CAMTA1: variants seen among roughly 807,000 people sequenced by gnomAD.
CAMTA1 encodes calmodulin-binding transcription activator 1.
In CAMTA1, 27 loss-of-function variants were observed where a neutral mutation model predicts 170.9. The ratio of observed to expected loss-of-function variants is 0.16; its 90% CI spans 0.12 to 0.22. CAMTA1 has a LOEUF of 0.22. CAMTA1 is among the 10% of genes least tolerant of loss of function. The pLI is 1.00. For synonymous variants in CAMTA1, 833 were observed against 891.5 expected (o/e 0.93, Z 1.17); for missense variants, 1,619 against 2,217.2 (o/e 0.73, Z 5.42).
chr1:7,096,401 G>A (rs990762784), intron 4 of CAMTA1, among the ~76,000 whole-genome samples: 2 of 152,100 alleles, frequency 1.3e-5, no homozygotes, highest in Admixed American at 6.5e-5. Flanking sequence ...CGACACCATG[G>A]TCTCACCGTC....
chr1:7,344,880 G>A (rs1411083137), intron 5 of CAMTA1, among the ~76,000 whole-genome samples: 1 of 151,116 alleles, frequency 6.6e-6, no homozygotes. Context: ...CCCAGTAGCT[G>A]GGACCACAGG....
chr1:7,611,611 C>G (rs538546344), intron 6 of CAMTA1, among the ~76,000 whole-genome samples: 1 of 152,326 alleles, frequency 6.6e-6, no homozygotes, highest in African/African-American at 2.4e-5. Flanking sequence ...TGCTGGGGGG[C>G]CAAGCTTGCC....
At chr1:6,913,873 A>T (rs1680217266) in intron 3 of CAMTA1, among the ~76,000 whole-genome samples, 1 of 151,958 alleles carries the variant, frequency 6.6e-6, no homozygotes, top group Admixed American at 6.6e-5. Context: ...AGGAGCAGGT[A>T]ATGATGAATT....
chr1:7,255,525 C>T (rs1018643626), intron 5 of CAMTA1, among the ~76,000 whole-genome samples: 2 of 152,180 alleles, frequency 1.3e-5, no homozygotes, highest in African/African-American at 4.8e-5. Context: ...GCTATCTCCC[C>T]TGATCTTCTT....
At chr1:6,943,061 C>A (rs1462500062) in intron 3 of CAMTA1, among the ~76,000 whole-genome samples, 1 of 152,124 alleles carries the variant, frequency 6.6e-6, no homozygotes, top group Non-Finnish European at 1.5e-5. Flanking sequence ...TAAGCACTAT[C>A]CCTGCTCAAG....
chr1:7,727,752 T>C (rs908198163), intron 11 of CAMTA1, among the ~76,000 whole-genome samples: 1 of 152,256 alleles, frequency 6.6e-6, no homozygotes, highest in African/African-American at 2.4e-5. Flanking sequence ...CTAATAAAGC[T>C]GTAAAACCAA....
At chr1:7,038,299 T>C (rs1315381762) in intron 3 of CAMTA1, among the ~76,000 whole-genome samples, 1 of 152,198 alleles carries the variant, frequency 6.6e-6, no homozygotes, top group Non-Finnish European at 1.5e-5. Flanking sequence ...TTGTTTGTCA[T>C]TGCAAAGTAA....
Position 7,532,306 on chromosome 1 carries a change from TC to T in CAMTA1, c.510+64406del, listed in dbSNP as rs2094501407. ...ATCTTCTCAGCTTCTTTCATTTCTT[TC>T]TATTTTTTTTTTAGAGACAGATTTC... On this transcript the variant is annotated intron_variant, in intron 6 of 22. Transcript: ENST00000303635. The surrounding 1 kb of genome is among the most constrained non-coding windows in gnomAD (Gnocchi z 4.2). Among the ~76,000 whole-genome samples the T allele has an allele frequency of 6.6e-6, 1 of 152,060 alleles. No individual in the cohort carries two copies. The highest frequency in any genetic ancestry group is 2.1e-4 in the South Asian group (1 of 4,800).
intron 3 of CAMTA1, among the ~76,000 whole-genome samples, chr1:7,047,493 C>G (rs74840425): frequency 0.016 from 2,512 of 152,280 alleles, 65 homozygotes; most frequent in African/African-American, 0.057. Flanking sequence ...TGTCCCTCCT[C>G]TCTTCCGCTT....
intron 3 of CAMTA1, among the ~76,000 whole-genome samples, chr1:7,004,270 G>A (rs1698659004): frequency 6.6e-6 from 1 of 152,140 alleles, no homozygotes; most frequent in Admixed American, 6.6e-5. Context: ...CAAAAACAGG[G>A]CTTTGATATC....
At chr1:7,708,387 C>G (rs1250172631) in intron 11 of CAMTA1, among the ~76,000 whole-genome samples, 2 of 152,096 alleles carry the variant, frequency 1.3e-5, no homozygotes, top group African/African-American at 4.8e-5. Flanking sequence ...AATCTCTGCA[C>G]TTTGGGAGGC....
chr1:7,042,177 G>A (rs532333171), intron 3 of CAMTA1, among the ~76,000 whole-genome samples: 11 of 152,316 alleles, frequency 7.2e-5, no homozygotes, highest in Non-Finnish European at 1.2e-4. Context: ...TTAGGGCTAA[G>A]GGGATATTGA....
At chr1:7,459,819 G>T (rs2093040970) in intron 5 of CAMTA1, among the ~76,000 whole-genome samples, 1 of 152,240 alleles carries the variant, frequency 6.6e-6, no homozygotes, top group Non-Finnish European at 1.5e-5. Flanking sequence ...GCCACATGAA[G>T]TCAGCCCAAC....
At chr1:7,733,753 T>C (rs918505633) in intron 12 of CAMTA1, among the ~76,000 whole-genome samples, 21 of 152,174 alleles carry the variant, frequency 1.4e-4, no homozygotes, top group Non-Finnish European at 2.2e-4. Context: ...TTTAGGTGAA[T>C]ATTTTTGGTT....
chr1:7,501,882 C>T (rs910735633), intron 6 of CAMTA1, among the ~76,000 whole-genome samples: 1 of 152,182 alleles, frequency 6.6e-6, no homozygotes, highest in Non-Finnish European at 1.5e-5. Flanking sequence ...TCAGTGGGGG[C>T]TCACATGTGC....
intron 4 of CAMTA1, among the ~76,000 whole-genome samples, chr1:7,226,833 A>AT (rs1220521632): frequency 6.6e-6 from 1 of 151,556 alleles, no homozygotes; most frequent in African/African-American, 2.4e-5. Context: ...AGCCTTTTTT[A>AT]TTTTTTATTT....
rs778877944 is a variant in CAMTA1 at position 7,738,386 on chromosome 1, G to A, written c.4086G>A (p.Leu1362=). ...GTCCACGGGAACCAATGAGTGTCCT[G>A]ATGATGGCTAACAGAGAGGTGGTGA... ...QVRPREPMSV[L]MMANREVVNT... is the part of the protein sequence containing the mutation. The change falls in exon 16 of 23, where the codon CTG becomes CTA. Residue 1362 remains leucine, a synonymous_variant. Coordinates refer to ENST00000303635, the MANE Select transcript of CAMTA1 (RefSeq NM_015215.4). This position sits in a 1 kb window ranked among gnomAD's most constrained non-coding sequence, Gnocchi z 4.9. The A allele has an allele frequency of 1.8e-5, 29 of 1,614,084 alleles. No individual in the cohort carries two copies. Among genetic ancestry groups the A allele is most frequent in the African/African-American group, 1.7e-4 (13 of 74,934 alleles).
intron 3 of CAMTA1, among the ~76,000 whole-genome samples, chr1:6,933,314 T>G (rs942872451): frequency 6.6e-6 from 1 of 152,106 alleles, no homozygotes. Flanking sequence ...CTCTGGAGTA[T>G]AGTGGCATGA....
rs988957552 is a variant in CAMTA1 at position 7,293,464 on chromosome 1, G to A, written c.438+43838G>A. Among the ~76,000 whole-genome samples the A allele has an allele frequency of 4.6e-5, 7 of 152,182 alleles. No homozygotes were observed. The highest frequency in any genetic ancestry group is 1.7e-4 in the African/African-American group (7 of 41,454). On this transcript the variant is annotated intron_variant, in intron 5 of 22. Transcript: ENST00000303635. The surrounding 1 kb of genome is among the most constrained non-coding windows in gnomAD (Gnocchi z 4.1). Reference sequence around the variant, plus strand: ...ATGAGCCGATTTATAGAGTACATGGGGTGTTGTGGGGCAGAGGCCCGGATG... The same window carrying A: ...ATGAGCCGATTTATAGAGTACATGGAGTGTTGTGGGGCAGAGGCCCGGATG...
Sources: gnomAD v4.1 joint callset for allele counts (sites outside exome capture counted in the v4.1 genomes callset) on GRCh38, gnomAD v4.1.1 for gene constraint, Gnocchi (gnomAD v3.1) non-coding constraint, MANE v1.5 for transcripts, NCBI Gene and HGNC (gene_info 2026-07-23, HGNC 2026-07-21) for gene names.